Variants in PDE4D observed in about 807,000 individuals in gnomAD.
The protein encoded by PDE4D is phosphodiesterase 4D, also known as 3',5'-cyclic-AMP phosphodiesterase 4D.
Under a neutral mutation model 87.4 loss-of-function variants are expected in PDE4D, and 24 were observed. The observed-to-expected ratio is 0.27, with a 90% CI of 0.20 to 0.39. The LOEUF (loss-of-function observed/expected upper bound fraction) is 0.39. Among genes scored for constraint, PDE4D ranks in the 10% least tolerant of loss-of-function variants. The pLI, the probability that PDE4D is intolerant of heterozygous loss-of-function variation, is 1.00. For missense variants in PDE4D, 714 were observed against 1,041.0 expected (o/e 0.69, Z 4.32); for synonymous variants, 384 against 383.2 (o/e 1.00, Z -0.02).
chr5:59,116,585 G>A (rs1773654300), intron 5 of PDE4D, among the ~76,000 whole-genome samples: 4 of 152,166 alleles, frequency 2.6e-5, no homozygotes, highest in Admixed American at 2.0e-4. Flanking sequence ...AAAGCAATGT[G>A]TGTCGGAAAC....
chr5:59,857,756 T>TA (rs1390552480), intron 1 of PDE4D, among the ~76,000 whole-genome samples: 1 of 151,570 alleles, frequency 6.6e-6, no homozygotes, highest in South Asian at 2.1e-4. Flanking sequence ...GAGGAAGAGC[T>TA]AAAAAAATCT....
chr5:59,860,579 T>C (rs1007498502), intron 1 of PDE4D, among the ~76,000 whole-genome samples: 1 of 152,160 alleles, frequency 6.6e-6, no homozygotes, highest in Non-Finnish European at 1.5e-5. Flanking sequence ...ACTTGCAAGA[T>C]GAAAATAGGT....
intron 1 of PDE4D, among the ~76,000 whole-genome samples, chr5:59,425,640 A>G (rs1003949249): frequency 6.6e-6 from 1 of 152,316 alleles, no homozygotes; most frequent in Admixed American, 6.5e-5. Flanking sequence ...GAATGATTAT[A>G]GAGTTCAAAA....
intron 1 of PDE4D, among the ~76,000 whole-genome samples, chr5:59,263,230 A>T (rs552956678): frequency 6.6e-5 from 10 of 152,132 alleles, no homozygotes; most frequent in African/African-American, 2.4e-4. Flanking sequence ...AATGCCCATG[A>T]TGGAGCAGGC....
chr5:60,510,971 T>TTTTGTTTTGTTTC (rs1750545477), intron 1 of PDE4D, among the ~76,000 whole-genome samples: 2 of 152,090 alleles, frequency 1.3e-5, no homozygotes, highest in Non-Finnish European at 2.9e-5. Flanking sequence ...TGTTTTGTTT[T>TTTTGTTTTGTTTC]GTTTTGTTTT....
intron 1 of PDE4D, among the ~76,000 whole-genome samples, chr5:59,242,543 G>A (rs1370919178): frequency 1.3e-5 from 2 of 152,114 alleles, no homozygotes; most frequent in African/African-American, 2.4e-5. Context: ...GAGACAGCAG[G>A]ACAAATTGCA....
intron 2 of PDE4D, among the ~76,000 whole-genome samples, chr5:60,166,842 T>G (rs1562174515): frequency 6.6e-6 from 1 of 152,218 alleles, no homozygotes; most frequent in Non-Finnish European, 1.5e-5. Flanking sequence ...TGGCATTTTT[T>G]TTTTCCTTCA....
intron 5 of PDE4D, among the ~76,000 whole-genome samples, chr5:59,150,733 T>C (rs1779357369): frequency 6.6e-6 from 1 of 152,114 alleles, no homozygotes; most frequent in Admixed American, 6.5e-5. Flanking sequence ...TTAACCACAG[T>C]GGAAAGTTAC....
intron 1 of PDE4D, among the ~76,000 whole-genome samples, chr5:59,769,077 T>C (rs1428250248): frequency 1.0e-5 from 1 of 96,454 alleles, no homozygotes; most frequent in Admixed American, 1.0e-4. Context: ...TTTTTCTCTC[T>C]TTTTTTTTTA....
At chr5:60,474,105 C>CATATATATATATGTGT (rs1491252291) in intron 1 of PDE4D, among the ~76,000 whole-genome samples, 432 of 30,978 alleles carry the variant, frequency 0.014, 20 homozygotes, top group East Asian at 0.045. Flanking sequence ...TTTGAGCTGC[C>CATATATATATATGTGT]ATATATATAT....
intron 1 of PDE4D, among the ~76,000 whole-genome samples, chr5:60,278,403 C>T (rs868560246): frequency 2.0e-5 from 3 of 151,976 alleles, no homozygotes; most frequent in Admixed American, 6.6e-5. Flanking sequence ...TGGGTTTATC[C>T]TGTTTATGGT....
chr5:59,495,519 C>T (rs970065395), intron 1 of PDE4D, among the ~76,000 whole-genome samples: 1 of 152,144 alleles, frequency 6.6e-6, no homozygotes, highest in Non-Finnish European at 1.5e-5. Flanking sequence ...TAGTGTGTGG[C>T]TCCCCAACAG....
intron 1 of PDE4D, among the ~76,000 whole-genome samples, chr5:59,496,829 T>C (rs1407232649): frequency 6.6e-6 from 1 of 152,056 alleles, no homozygotes; most frequent in East Asian, 1.9e-4. Context: ...CGAGAGAGTG[T>C]GGGCTGAAAG....
chr5:59,208,277 C>T (rs925743791), intron 2 of PDE4D, among the ~76,000 whole-genome samples: 1 of 152,156 alleles, frequency 6.6e-6, no homozygotes, highest in Admixed American at 6.5e-5. Flanking sequence ...TCCTAGAGTT[C>T]GAATTGCAGC....
intron 5 of PDE4D, among the ~76,000 whole-genome samples, chr5:59,086,037 G>GT (rs1183482512): frequency 1.3e-5 from 2 of 152,138 alleles, no homozygotes; most frequent in African/African-American, 4.8e-5. Context: ...ATACAGAAGA[G>GT]TAAAAAGTAA....
chr5:59,019,614 C>T (rs35651411), intron 6 of PDE4D, among the ~76,000 whole-genome samples: 15,286 of 152,112 alleles, frequency 0.1, 1,025 homozygotes, highest in Non-Finnish European at 0.13. Flanking sequence ...CACATGAATA[C>T]CCCATCCTAC....
intron 1 of PDE4D, among the ~76,000 whole-genome samples, chr5:60,508,512 C>G (rs1053492053): frequency 5.3e-5 from 8 of 152,204 alleles, no homozygotes; most frequent in African/African-American, 1.9e-4. Context: ...TTCCATTTCA[C>G]TTGGGTTGAC....
intron 10 of PDE4D, 55 bp from the exon 11 acceptor site, chr5:58,988,647 A>C: frequency 1.4e-6 from 1 of 720,936 alleles, no homozygotes; most frequent in Non-Finnish European, 2.1e-6. Flanking sequence ...TATGAATTAA[A>C]AGTATAAACA....
At chr5:59,839,027 C>T (rs1742573384) in intron 1 of PDE4D, among the ~76,000 whole-genome samples, 1 of 151,940 alleles carries the variant, frequency 6.6e-6, no homozygotes, top group Admixed American at 6.6e-5. Flanking sequence ...TGAATCAAAA[C>T]TTGGTACCAT....
Sources: allele counts gnomAD v4.1 joint callset (sites outside exome capture counted in the v4.1 genomes callset), GRCh38; gene constraint gnomAD v4.1.1; transcripts MANE v1.5; gene names NCBI Gene and HGNC (gene_info 2026-07-23, HGNC 2026-07-21).